The following HDAC9 variants were observed in gnomAD, a reference collection of about 807,000 sequenced individuals.
HDAC9 encodes the protein MEF-2 interacting transcription repressor (MITR) protein.
A neutral mutation model predicts 139.4 loss-of-function variants in HDAC9; 41 were observed. The ratio of observed to expected loss-of-function variants is 0.29; its 90% CI spans 0.23 to 0.38. The LOEUF is 0.38. HDAC9 is among the 10% of genes least tolerant of loss of function. HDAC9 has a pLI of 1.00. For synonymous variants in HDAC9, 517 were observed against 476.2 expected, an observed-to-expected ratio of 1.09 and a Z score of -1.12; for missense variants, 1,147 against 1,297.0, an observed-to-expected ratio of 0.88 and a Z score of 1.78.
intron 8 of HDAC9, 48 bp from the exon 9 acceptor site, chr7:18,644,623 A>G: frequency 6.5e-7 from 1 of 1,529,202 alleles, no homozygotes; most frequent in Non-Finnish European, 8.8e-7. Context: ...TTTTACAGTA[A>G]AATTTGTGAT....
In HDAC9 at chr7:18,789,286, G is replaced by GCGCACACACACACACACACA. The variant is rs146066951; in HGVS notation, c.2215-4058_2215-4057insGCACACACACACACACACAC. On this transcript the variant is annotated intron_variant, in intron 16 of 25. Coordinates refer to ENST00000686413, the MANE Select transcript of HDAC9 (RefSeq NM_178425.4). ...TTAATGCACACGCAGACACATACAC[G>GCGCACACACACACACACACA]CACACACACACACACACACACACAG... 2.0e-4 allele frequency among the ~76,000 whole-genome samples: 29 copies of GCGCACACACACACACACACA among 148,506 alleles called. 1 individual carries two copies. The highest frequency in any genetic ancestry group is 7.3e-4 in the African/African-American group (29 of 39,974).
At chr7:18,670,565 T>A (rs1477600390) in intron 12 of HDAC9, among the ~76,000 whole-genome samples, 1 of 152,072 alleles carries the variant, frequency 6.6e-6, no homozygotes, top group South Asian at 2.1e-4. Context: ...AATAACCTGA[T>A]GAAGGAGGTA....
chr7:18,940,408 T>G (rs953725386), intron 23 of HDAC9, among the ~76,000 whole-genome samples: 2 of 152,188 alleles, frequency 1.3e-5, no homozygotes, highest in Non-Finnish European at 2.9e-5. Context: ...GCAACTGATA[T>G]TGAAGACATA....
At chr7:18,189,856 A>G (rs1490743581) in intron 2 of HDAC9, among the ~76,000 whole-genome samples, 1 of 152,202 alleles carries the variant, frequency 6.6e-6, no homozygotes, top group Non-Finnish European at 1.5e-5. Flanking sequence ...AGAGCATGAG[A>G]TATTTTTATG....
intron 12 of HDAC9, among the ~76,000 whole-genome samples, chr7:18,707,700 T>A (rs1161680194): frequency 6.6e-6 from 1 of 152,116 alleles, no homozygotes; most frequent in African/African-American, 2.4e-5. Context: ...GCAATTATTA[T>A]TTTCCTCTTT....
intron 22 of HDAC9, among the ~76,000 whole-genome samples, chr7:18,898,322 G>A (rs1801397628): frequency 6.6e-6 from 1 of 151,554 alleles, no homozygotes; most frequent in Admixed American, 6.6e-5. Flanking sequence ...CACTGACAAG[G>A]TAACTTGTAT....
chr7:18,638,935 G>C (rs146140713), intron 8 of HDAC9, among the ~76,000 whole-genome samples: 52 of 152,112 alleles, frequency 3.4e-4, no homozygotes, highest in Non-Finnish European at 6.0e-4. Context: ...TGTTAATACT[G>C]TGGGCCTGTG....
chr7:18,468,434 AT>A lies in HDAC9; in HGVS notation c.-41-27816del, dbSNP rs957861798. Among the ~76,000 whole-genome samples, 1,307 of 146,508 alleles carry A rather than the reference AT, an allele frequency of 8.9e-3. 17 individuals carry two copies. Among genetic ancestry groups the A allele is most frequent in the African/African-American group, 0.029 (1,153 of 40,286 alleles). ...ATAGCTTTAACCATTGGAAGGTGTAATTTTTTTTTTTTAAGAGAGGGGTCCT... is the reference window on the plus strand; with the variant it reads ...ATAGCTTTAACCATTGGAAGGTGTAATTTTTTTTTTTAAGAGAGGGGTCCT... On this transcript the variant is annotated intron_variant, in intron 1 of 3. Transcript: ENST00000413509.
At chr7:18,545,087 A>G (rs1814333946) in intron 2 of HDAC9, among the ~76,000 whole-genome samples, 2 of 152,154 alleles carry the variant, frequency 1.3e-5, no homozygotes, top group African/African-American at 4.8e-5. Flanking sequence ...CCAAACGTCA[A>G]TGGTTCCAAA....
At chr7:18,770,240 T>C (rs1052478471) in intron 16 of HDAC9, among the ~76,000 whole-genome samples, 2 of 152,184 alleles carry the variant, frequency 1.3e-5, no homozygotes, top group Non-Finnish European at 2.9e-5. Flanking sequence ...TTGTGTTTGC[T>C]TTTCTTTTTG....
Position 18,656,660 on chromosome 7 carries a change from G to C in HDAC9, c.1467+7977G>C, listed in dbSNP as rs146894994. Among the ~76,000 whole-genome samples the C allele has an allele frequency of 8.5e-4, 130 of 152,202 alleles. 1 individual carries two copies. Among genetic ancestry groups the C allele is most frequent in the African/African-American group, 3.0e-3 (126 of 41,530 alleles). On this transcript the variant is annotated intron_variant, in intron 11 of 25. Coordinates refer to ENST00000686413, the MANE Select transcript of HDAC9 (RefSeq NM_178425.4). ...GAGAGAACATATCTGAAAATGCTTTGTAAACATGATAAGCACCACTAAAAT... is the reference window on the plus strand; with the variant it reads ...GAGAGAACATATCTGAAAATGCTTTCTAAACATGATAAGCACCACTAAAAT...
At chr7:18,419,466 A>G (rs1789413238) in intron 1 of HDAC9, among the ~76,000 whole-genome samples, 1 of 152,194 alleles carries the variant, frequency 6.6e-6, no homozygotes, top group African/African-American at 2.4e-5. Flanking sequence ...ACTGTGCTCC[A>G]TCTACTGCCT....
chr7:18,144,464 C>G (rs1786147871), intron 1 of HDAC9, among the ~76,000 whole-genome samples: 1 of 152,214 alleles, frequency 6.6e-6, no homozygotes, highest in Non-Finnish European at 1.5e-5. Flanking sequence ...CCCATTCCCT[C>G]TGGTTCAACC....
intron 2 of HDAC9, among the ~76,000 whole-genome samples, chr7:18,177,406 T>C (rs1008392832): frequency 6.6e-6 from 1 of 152,170 alleles, no homozygotes; most frequent in Non-Finnish European, 1.5e-5. Flanking sequence ...CTCTATCACA[T>C]CTATTTAAGG....
At chr7:18,934,128 A>C (rs1230922602) in intron 22 of HDAC9, among the ~76,000 whole-genome samples, 1 of 152,124 alleles carries the variant, frequency 6.6e-6, no homozygotes, top group Non-Finnish European at 1.5e-5. Flanking sequence ...AAAAGAAGGA[A>C]ACGCCTGTAA....
upstream of HDAC9, among the ~76,000 whole-genome samples, chr7:18,289,352 A>G (rs1797660801): frequency 6.6e-6 from 1 of 152,148 alleles, no homozygotes; most frequent in Admixed American, 6.6e-5. Flanking sequence ...TCCTTTCTTT[A>G]TTTTATAAGC....
intron 2 of HDAC9, among the ~76,000 whole-genome samples, chr7:18,250,819 C>G (rs1794872168): frequency 6.6e-6 from 1 of 151,984 alleles, no homozygotes; most frequent in Non-Finnish European, 1.5e-5. Context: ...GCCATTCTGA[C>G]TGGTGTGAGA....
intron 24 of HDAC9, among the ~76,000 whole-genome samples, chr7:18,965,671 C>A (rs768082070): frequency 1.3e-5 from 2 of 152,184 alleles, no homozygotes; most frequent in Non-Finnish European, 2.9e-5. Flanking sequence ...ACACATAGCT[C>A]AGAGTTATTT....
intron 2 of HDAC9, among the ~76,000 whole-genome samples, chr7:18,230,115 T>C (rs1361577295): frequency 6.6e-6 from 1 of 152,204 alleles, no homozygotes; most frequent in Non-Finnish European, 1.5e-5. Flanking sequence ...TTATTTTTAA[T>C]ACTGAGAAAA....
Sources: allele counts gnomAD v4.1 joint callset (sites outside exome capture counted in the v4.1 genomes callset), GRCh38; gene constraint gnomAD v4.1.1; transcripts MANE v1.5; gene names NCBI Gene and HGNC (gene_info 2026-07-23, HGNC 2026-07-21).